JARID2: variants seen among roughly 807,000 people sequenced by gnomAD.
JARID2 encodes protein Jumonji.
JARID2 carries 21 observed loss-of-function variants against 125.6 expected under a neutral mutation model. The observed-to-expected ratio is 0.17, with a 90% confidence interval of 0.12 to 0.24. The LOEUF (loss-of-function observed/expected upper bound fraction) is 0.24. Among genes scored for constraint, JARID2 ranks in the 10% least tolerant of loss-of-function variants. The pLI, the probability that JARID2 is intolerant of heterozygous loss-of-function variation, is 1.00. For missense variants in JARID2, 1,303 were observed against 1,639.6 expected (o/e 0.79, Z 3.55); for synonymous variants, 736 against 661.6 (o/e 1.11, Z -1.73).
chr6:15,409,806 C>T (rs1027341951), intron 2 of JARID2, among the ~76,000 whole-genome samples: 1 of 152,156 alleles, frequency 6.6e-6, no homozygotes, highest in South Asian at 2.1e-4. Context: ...GTGGCAGGTA[C>T]TGGTTCCTGC....
chr6:15,496,496 G>A lies in JARID2; in HGVS notation c.1271G>A (p.Gly424Glu), dbSNP rs768340245. ...NPKSCTKEVG[G>E]RQLREGLQLR... ...AAGTCATGCACTAAGGAGGTGGGGG[G>A]GCGGCAGCTGCGGGAGGGCCTGCAG... Residue 424 changes from glycine (G) to glutamate (E), a missense_variant, in exon 7 of 18, where the codon GGG (glycine) becomes GAG (glutamate). Gly to Glu is a moderately conservative substitution (Grantham distance 98). This residue lies in a region of JARID2 where 651 missense variants were observed against 581.6 expected (regional missense o/e 1.12). Coordinates refer to ENST00000341776, the MANE Select transcript of JARID2 (RefSeq NM_004973.4). 7.5e-6 allele frequency: 12 copies of A among 1,609,044 alleles called. No homozygotes were observed. The highest frequency in any genetic ancestry group is 1.1e-5 in the South Asian group (1 of 90,566).
chr6:15,471,472 A>G (rs1043395184), intron 5 of JARID2, among the ~76,000 whole-genome samples: 9 of 152,162 alleles, frequency 5.9e-5, no homozygotes, highest in Non-Finnish European at 1.2e-4. Context: ...TATGATAGAA[A>G]TCTGTTTCAT....
At chr6:15,306,437 C>G (rs1658398230) in intron 1 of JARID2, among the ~76,000 whole-genome samples, 1 of 147,128 alleles carries the variant, frequency 6.8e-6, no homozygotes, top group Non-Finnish European at 1.5e-5. Context: ...TGGGTTCAAG[C>G]GATTCTCCTG....
rs200030425 is a variant in JARID2, at chr6:15,372,357, GTTATTA to G, written c.46-1748_46-1743del. Among the ~76,000 whole-genome samples, 1,167 of 152,062 alleles carry G rather than the reference GTTATTA, an allele frequency of 7.7e-3. 14 individuals carry two copies. Among genetic ancestry groups the G allele is most frequent in the African/African-American group, 0.026 (1,085 of 41,464 alleles). On this transcript the variant is annotated intron_variant, in intron 1 of 17. Transcript: ENST00000341776. The stretch of plus-strand genomic sequence containing the variant: ...TCATGATTTTACCTGGGATATTAAT[GTTATTA>G]TTATTATTATTTTTAGACAGAGTTT...
intron 3 of JARID2, among the ~76,000 whole-genome samples, chr6:15,442,820 G>A (rs1229581084): frequency 6.6e-6 from 1 of 152,104 alleles, no homozygotes; most frequent in African/African-American, 2.4e-5. Flanking sequence ...TGATTTTCAG[G>A]CAGTCTTGGT....
At chr6:15,320,915 AG>A (rs1762334728) in intron 1 of JARID2, among the ~76,000 whole-genome samples, 1 of 149,870 alleles carries the variant, frequency 6.7e-6, no homozygotes, top group Non-Finnish European at 1.5e-5. Context: ...TATGACTTGC[AG>A]TTTGTAGTAA....
At chr6:15,413,023 G>GTTTTTTTTTTTTTTTTTTTTTT (rs1349875486) in intron 3 of JARID2, among the ~76,000 whole-genome samples, 1 of 68,008 alleles carries the variant, frequency 1.5e-5, no homozygotes, top group Admixed American at 2.0e-4. Flanking sequence ...TTTTTTTTTT[G>GTTTTTTTTTTTTTTTTTTTTTT]TTTTTTTTTT....
In JARID2 at chr6:15,520,430, G is replaced by A. The variant is rs1436342748; in HGVS notation, c.*179G>A. The A allele has an allele frequency of 1.9e-6, 1 of 513,794 alleles. No homozygotes were observed. Among genetic ancestry groups the A allele is most frequent in the Non-Finnish European group, 3.3e-6 (1 of 302,570 alleles). 31.8% of individuals were successfully genotyped at this position (513,794 alleles called of 1,614,324 possible). A position where few individuals can be genotyped will look rare whatever the true frequency, so the allele number is the denominator to read the frequency against. ...ACTGTTGAACTTTTTTTTGTACTTAGAAAACCTAGATACTGCAGTCAGATT... is the reference window on the plus strand; with the variant it reads ...ACTGTTGAACTTTTTTTTGTACTTAAAAAACCTAGATACTGCAGTCAGATT... On this transcript the variant is annotated 3_prime_UTR_variant, in exon 18 of 18. Coordinates refer to ENST00000341776, the MANE Select transcript of JARID2 (RefSeq NM_004973.4).
At chr6:15,437,353 G>A (rs1362124733) in intron 3 of JARID2, among the ~76,000 whole-genome samples, 1 of 152,110 alleles carries the variant, frequency 6.6e-6, no homozygotes, top group African/African-American at 2.4e-5. Context: ...CATTCCCTAA[G>A]GTCTGTCCCC....
At chr6:15,488,753 G>C (rs766084195) in intron 6 of JARID2, among the ~76,000 whole-genome samples, 24 of 152,138 alleles carry the variant, frequency 1.6e-4, no homozygotes, top group Non-Finnish European at 3.1e-4. Flanking sequence ...TATGCAGTTG[G>C]GGGGGTGGGC....
At chr6:15,415,359 CAGA>C (rs1766100423) in intron 3 of JARID2, among the ~76,000 whole-genome samples, 1 of 151,928 alleles carries the variant, frequency 6.6e-6, no homozygotes, top group African/African-American at 2.4e-5. Context: ...GGTGGCCGGG[CAGA>C]GGGGCTCCTC....
chr6:15,329,616 C>T (rs1419835378), intron 1 of JARID2, among the ~76,000 whole-genome samples: 1 of 152,192 alleles, frequency 6.6e-6, no homozygotes, highest in Non-Finnish European at 1.5e-5. Context: ...GGTTAAACCG[C>T]ATGCGCTCTG....
intron 3 of JARID2, among the ~76,000 whole-genome samples, chr6:15,444,331 C>A (rs1028471878): frequency 6.6e-6 from 1 of 152,198 alleles, no homozygotes; most frequent in Non-Finnish European, 1.5e-5. Context: ...ATGAATTGGT[C>A]TCTGCTAGCC....
intron 5 of JARID2, among the ~76,000 whole-genome samples, chr6:15,469,586 A>G (rs1273780427): frequency 6.7e-6 from 1 of 150,088 alleles, no homozygotes; most frequent in Non-Finnish European, 1.5e-5. Context: ...GCCCCCACGT[A>G]TTACAGACAT....
Position 15,504,480 on chromosome 6 carries a change from T to G in JARID2, c.2449-20T>G, listed in dbSNP as rs765726366. On this transcript the variant is annotated intron_variant, in intron 8 of 17. Coordinates refer to ENST00000341776, the MANE Select transcript of JARID2 (RefSeq NM_004973.4). The stretch of plus-strand genomic sequence containing the variant: ...TTCAGCTTTGCTTCTGAAGCTTTAC[T>G]GTTTTTTGTTTTGTTTCAGGGAAGG... 2 of 1,577,812 alleles carry G rather than the reference T, an allele frequency of 1.3e-6. No homozygotes were observed.
At chr6:15,322,498 C>A (rs1008001205) in intron 1 of JARID2, among the ~76,000 whole-genome samples, 8 of 152,238 alleles carry the variant, frequency 5.3e-5, no homozygotes, top group Admixed American at 1.3e-4. Context: ...ACATTCTTCT[C>A]TGATTCCTTT....
chr6:15,487,457 C>T lies in JARID2; in HGVS notation c.821C>T (p.Pro274Leu). The T allele has an allele frequency of 6.2e-7, 1 of 1,614,246 alleles. No homozygotes were observed. Among genetic ancestry groups the T allele is most frequent in the Non-Finnish European group, 8.5e-7 (1 of 1,180,050 alleles). The change falls in exon 6 of 18, where the codon CCC (proline) becomes CTC (leucine). Residue 274 changes from proline (P) to leucine (L), a missense_variant. This residue lies in a region of JARID2 where 651 missense variants were observed against 581.6 expected (regional missense o/e 1.12). Coordinates refer to ENST00000341776, the MANE Select transcript of JARID2 (RefSeq NM_004973.4). Reference protein sequence around the residue: ...QASANHPAAAPSTGSSAKGLA... With the variant: ...QASANHPAAALSTGSSAKGLA... ...TCAGCTAACCACCCCGCAGCGGCCC[C>T]CTCCACGGGTTCCTCGGCCAAGGGG...
intron 7 of JARID2, among the ~76,000 whole-genome samples, chr6:15,498,757 G>A (rs1223697705): frequency 6.6e-6 from 1 of 152,242 alleles, no homozygotes; most frequent in Admixed American, 6.5e-5. Flanking sequence ...TTTGTGCTCT[G>A]CTGTTGGGAA....
chr6:15,375,507 GGAA>G (rs1764319377), intron 2 of JARID2, among the ~76,000 whole-genome samples: 1 of 152,106 alleles, frequency 6.6e-6, no homozygotes, highest in African/African-American at 2.4e-5. Flanking sequence ...AATAAGTTGT[GGAA>G]TCTATTGCCA....
Sources: allele counts gnomAD v4.1 joint callset (sites outside exome capture counted in the v4.1 genomes callset), GRCh38; gene constraint gnomAD v4.1.1; regional missense constraint gnomAD v4.1.1; transcripts MANE v1.5; gene names NCBI Gene and HGNC (gene_info 2026-07-23, HGNC 2026-07-21).